Variants in SYCP2L observed in about 807,000 individuals in gnomAD.
The protein encoded by SYCP2L is synaptonemal complex protein 2 like, also known as synaptonemal complex protein 2-like.
SYCP2L carries 98 observed loss-of-function variants against 125.8 expected under a neutral mutation model. The ratio of observed to expected loss-of-function variants is 0.78; its 90% CI spans 0.66 to 0.92. The LOEUF is 0.92. Ranked by LOEUF, SYCP2L falls within the 40% of genes least tolerant of loss-of-function variation. SYCP2L has a pLI of 0.00. For missense variants in SYCP2L, 842 were observed against 936.4 expected, an observed-to-expected ratio of 0.90 and a Z score of 1.32; for synonymous variants, 317 against 325.4, an observed-to-expected ratio of 0.97 and a Z score of 0.28.
intron 14 of SYCP2L, among the ~76,000 whole-genome samples, chr6:10,918,046 A>G (rs1168830380): frequency 6.6e-6 from 1 of 151,992 alleles, no homozygotes; most frequent in African/African-American, 2.4e-5. Flanking sequence ...TTTATAGGTT[A>G]CCTGGTGCTT....
chr6:10,968,581 T>C (rs1359350524), intron 29 of SYCP2L, among the ~76,000 whole-genome samples: 2 of 152,100 alleles, frequency 1.3e-5, no homozygotes, highest in Non-Finnish European at 2.9e-5. Flanking sequence ...AAACCAGCCA[T>C]GTTTTAAAGA....
intron 14 of SYCP2L, among the ~76,000 whole-genome samples, chr6:10,915,777 T>C (rs563083492): frequency 1.1e-3 from 161 of 152,296 alleles, no homozygotes; most frequent in African/African-American, 3.6e-3. Flanking sequence ...TGGTCTGTAG[T>C]TTTCTTTTTT....
At chr6:10,962,818 T>G (rs1205969668) in intron 28 of SYCP2L, among the ~76,000 whole-genome samples, 2 of 152,248 alleles carry the variant, frequency 1.3e-5, no homozygotes, top group African/African-American at 2.4e-5. Flanking sequence ...TTTCTGAGTT[T>G]CATCTGTTGT....
chr6:10,961,612 GCTTT>G (rs1368395180), intron 28 of SYCP2L, 54 bp downstream of exon 28: 1 of 1,562,608 alleles, frequency 6.4e-7, no homozygotes, highest in African/African-American at 1.4e-5. Flanking sequence ...ATGAGGTAAT[GCTTT>G]AGCTAGAGAA....
At chr6:10,920,778 C>T (rs6927472) in intron 14 of SYCP2L, among the ~76,000 whole-genome samples, 7,551 of 150,102 alleles carry the variant, frequency 0.05, 613 homozygotes, top group African/African-American at 0.17. Flanking sequence ...ATACTCTCTG[C>T]AGGACAGAGA....
At chr6:10,901,244 A>G (rs1780372009) in intron 6 of SYCP2L, among the ~76,000 whole-genome samples, 2 of 152,192 alleles carry the variant, frequency 1.3e-5, no homozygotes, top group South Asian at 4.1e-4. Context: ...TTCTTTGTAT[A>G]TGACAACAAG....
intron 16 of SYCP2L, 35 bp from the exon 17 acceptor site, chr6:10,927,204 CG>C: frequency 1.2e-6 from 2 of 1,611,630 alleles, no homozygotes; most frequent in South Asian, 2.2e-5. Context: ...AGCGTGTGCA[CG>C]GTTATTATAT....
chr6:10,909,274 G>A (rs766142405), intron 10 of SYCP2L, among the ~76,000 whole-genome samples: 11 of 151,800 alleles, frequency 7.2e-5, no homozygotes, highest in Admixed American at 1.3e-4. Context: ...GATTACAGGC[G>A]TGTGCCACCA....
chr6:10,945,868 C>A (rs2113386448), intron 23 of SYCP2L, among the ~76,000 whole-genome samples: 1 of 150,596 alleles, frequency 6.6e-6, no homozygotes, highest in Non-Finnish European at 1.5e-5. Context: ...AAACTCTTAT[C>A]ATTATGAAGT....
At chr6:10,938,090 C>A (rs1781134098) in intron 21 of SYCP2L, among the ~76,000 whole-genome samples, 1 of 152,146 alleles carries the variant, frequency 6.6e-6, no homozygotes. Flanking sequence ...CTTGTCAAAG[C>A]CAGATAAGAA....
chr6:10,898,520 C>CA (rs1298924920), intron 5 of SYCP2L, among the ~76,000 whole-genome samples: 5 of 152,176 alleles, frequency 3.3e-5, no homozygotes, highest in Non-Finnish European at 7.4e-5. Flanking sequence ...TGTCTCAAAA[C>CA]AAAAGACTCT....
chr6:10,900,849 T>G (rs949395403), intron 6 of SYCP2L, among the ~76,000 whole-genome samples: 1 of 152,236 alleles, frequency 6.6e-6, no homozygotes, highest in African/African-American at 2.4e-5. Context: ...TCTGGTCACC[T>G]TAGCGGGGCT....
chr6:10,907,402 T>G, intron 9 of SYCP2L, 140 bp from the exon 10 acceptor site: 1 of 632,370 alleles, frequency 1.6e-6, no homozygotes, highest in Non-Finnish European at 2.6e-6. Flanking sequence ...CCAGGATGCA[T>G]TTTGCTGTGG....
At chr6:10,935,640 T>C (rs1374841945) in intron 21 of SYCP2L, among the ~76,000 whole-genome samples, 1 of 152,116 alleles carries the variant, frequency 6.6e-6, no homozygotes, top group Non-Finnish European at 1.5e-5. Flanking sequence ...TTCTCCTGCC[T>C]CAGCCTCCCA....
intron 15 of SYCP2L, 148 bp downstream of exon 15, chr6:10,924,789 T>C: frequency 1.4e-6 from 1 of 736,652 alleles, no homozygotes. Flanking sequence ...TTGAGAGTTC[T>C]GGATTTAAAT....
intron 23 of SYCP2L, among the ~76,000 whole-genome samples, chr6:10,947,683 A>G (rs560536960): frequency 1.8e-4 from 27 of 152,154 alleles, no homozygotes; most frequent in African/African-American, 6.0e-4. Flanking sequence ...AGATGATTCT[A>G]TTACTTGCAA....
intron 4 of SYCP2L, among the ~76,000 whole-genome samples, chr6:10,897,006 T>C (rs1337994589): frequency 1.3e-5 from 2 of 152,138 alleles, no homozygotes; most frequent in African/African-American, 4.8e-5. Flanking sequence ...CATGTTCAGC[T>C]GATAATTTCT....
chr6:10,931,658 G>T (rs920754886), intron 20 of SYCP2L, among the ~76,000 whole-genome samples, 169 bp downstream of exon 20: 1 of 152,154 alleles, frequency 6.6e-6, no homozygotes, highest in African/African-American at 2.4e-5. Context: ...TGACTCTTGG[G>T]TAAGTAAGTG....
intron 9 of SYCP2L, among the ~76,000 whole-genome samples, chr6:10,906,468 A>C (rs984546755): frequency 2.0e-5 from 3 of 152,190 alleles, no homozygotes; most frequent in Admixed American, 6.6e-5. Context: ...GCAGATTTTA[A>C]AAGCATTCTA....
Sources: allele counts gnomAD v4.1 joint callset (sites outside exome capture counted in the v4.1 genomes callset), GRCh38; gene constraint gnomAD v4.1.1; transcripts MANE v1.5; gene names NCBI Gene and HGNC (gene_info 2026-07-23, HGNC 2026-07-21).